Variants in CMPK1 observed in about 807,000 individuals in gnomAD.
The protein encoded by CMPK1 is UMP-CMP kinase.
Under a neutral mutation model 25.7 loss-of-function variants are expected in CMPK1, and 10 were observed. The observed-to-expected ratio is 0.39, with a 90% CI of 0.24 to 0.66. The LOEUF (loss-of-function observed/expected upper bound fraction) is 0.66. CMPK1 is among the 30% of genes least tolerant of loss of function. The pLI, the probability that CMPK1 is intolerant of heterozygous loss-of-function variation, is 0.48. For missense variants in CMPK1, 199 were observed against 280.5 expected, an observed-to-expected ratio of 0.71 and a Z score of 2.08; for synonymous variants, 106 against 101.5, an observed-to-expected ratio of 1.04 and a Z score of -0.27.
rs1359659033 is a variant in CMPK1 at position 47,333,824 on chromosome 1, A to C, written c.-122A>C. The C allele has an allele frequency of 1.9e-6, 1 of 516,034 alleles. No individual in the cohort carries two copies. Among genetic ancestry groups the C allele is most frequent in the African/African-American group, 2.1e-5 (1 of 47,984 alleles). The allele number at this position is 516,034 out of a possible 1,614,324, so 32.0% of individuals were successfully genotyped here. ...CAGGGCCGCGGACGCCCGGGCAGCC[A>C]CGGCGGCGGGGCCGCGGCGGGCGCC... On this transcript the variant is annotated 5_prime_UTR_variant, in exon 1 of 6. Coordinates refer to ENST00000371873, the MANE Select transcript of CMPK1 (RefSeq NM_016308.3).
intron 1 of CMPK1, among the ~76,000 whole-genome samples, chr1:47,352,165 A>G (rs569235466): frequency 3.9e-5 from 6 of 152,084 alleles, no homozygotes; most frequent in African/African-American, 4.8e-5. Flanking sequence ...AAATAAAAAG[A>G]TGTCTTTTAA....
intron 1 of CMPK1, among the ~76,000 whole-genome samples, chr1:47,354,337 G>A (rs2622918): frequency 0.97 from 148,276 of 152,240 alleles, 72,302 homozygotes; most frequent in East Asian, 1. Context: ...TCAATAGATA[G>A]ATAAAGATGT....
chr1:47,372,888 A>G lies in CMPK1; in HGVS notation c.319-67A>G, dbSNP rs1646686117. 2 of 1,311,912 alleles carry G rather than the reference A, an allele frequency of 1.5e-6. 1 individual carries two copies. Among genetic ancestry groups the G allele is most frequent in the South Asian group, 3.0e-5 (2 of 66,784 alleles). 81.3% of individuals were successfully genotyped at this position (1,311,912 alleles called of 1,614,324 possible). ...ATAATAATAAAACACCCATGTATAC[A>G]CTACCATGCTTGAGAAATTTCATTT... On this transcript the variant is annotated intron_variant, in intron 2 of 5. Coordinates refer to ENST00000371873, the MANE Select transcript of CMPK1 (RefSeq NM_016308.3).
intron 2 of CMPK1, among the ~76,000 whole-genome samples, chr1:47,369,412 T>A (rs1392686956): frequency 6.6e-6 from 1 of 152,216 alleles, no homozygotes; most frequent in Non-Finnish European, 1.5e-5. Context: ...AAGGATTCTC[T>A]GCTTTGATTT....
intron 1 of CMPK1, among the ~76,000 whole-genome samples, chr1:47,339,995 A>G (rs1646428165): frequency 6.6e-6 from 1 of 150,926 alleles, no homozygotes; most frequent in Non-Finnish European, 1.5e-5. Flanking sequence ...AGCGTGAGCC[A>G]CCGCATCCGG....
chr1:47,346,603 A>C (rs937429100), intron 1 of CMPK1, among the ~76,000 whole-genome samples: 11 of 151,598 alleles, frequency 7.3e-5, no homozygotes, highest in African/African-American at 2.7e-4. Flanking sequence ...TCCTGGGTTC[A>C]AGCAATTGTC....
intron 1 of CMPK1, among the ~76,000 whole-genome samples, chr1:47,351,151 T>C (rs187020222): frequency 4.0e-4 from 61 of 152,218 alleles, no homozygotes; most frequent in Admixed American, 1.6e-3. Context: ...TGGCACGATC[T>C]CAGCTCACTG....
At chr1:47,337,143 C>T (rs1219762826) in intron 1 of CMPK1, among the ~76,000 whole-genome samples, 2 of 152,076 alleles carry the variant, frequency 1.3e-5, no homozygotes, top group African/African-American at 4.8e-5. Context: ...ATTAGCCGGG[C>T]GTGGTGGCAG....
In CMPK1 at chr1:47,334,016, C is replaced by A; in HGVS notation, c.71C>A (p.Pro24Gln). 6.5e-7 allele frequency: 1 copy of A among 1,549,980 alleles called. No individual in the cohort carries two copies. The change falls in exon 1 of 6, where the codon CCG (proline) becomes CAG (glutamine). Residue 24 changes from proline to glutamine, a missense_variant. This residue lies in a region of CMPK1 where 59 missense variants were observed against 45.1 expected (regional missense o/e 1.31). Transcript: ENST00000371873. ...GLSFLLQTRR[P>Q]ILLCSPRLMK... The stretch of plus-strand genomic sequence containing the variant: ...AGCTTCCTGCTGCAGACCCGCCGGC[C>A]GATTCTCCTCTGCTCTCCACGTCTC...
chr1:47,368,811 A>C (rs193062658), intron 2 of CMPK1, among the ~76,000 whole-genome samples, 196 bp downstream of exon 2: 44 of 152,256 alleles, frequency 2.9e-4, no homozygotes, highest in African/African-American at 5.8e-4. Context: ...AAATTTTTTA[A>C]AAAGCCATGC....
At position 47,375,231 on chromosome 1, in the gene CMPK1, A is replaced by G. The variant is rs1646699989; in HGVS notation, c.583A>G (p.Ile195Val). The G allele has an allele frequency of 6.2e-7, 1 of 1,608,636 alleles. No homozygotes were observed. The highest frequency in any genetic ancestry group is 1.1e-5 in the South Asian group (1 of 89,632). ...CTACCTTCAGTCAACAAAGCCAATT[A>G]TTGACTTATATGAAGAAATGGGGAA... is the stretch of plus-strand genomic sequence containing the variant. ...QTYLQSTKPI[I>V]DLYEEMGKVK... Residue 195 changes from isoleucine (I) to valine (V), a missense_variant, in exon 5 of 6, where the codon ATT becomes GTT. By Grantham distance (29) the Ile-to-Val change is conservative (BLOSUM62 3). Transcript: ENST00000371873.
chr1:47,372,838 C>A, intron 2 of CMPK1, 117 bp from the exon 3 acceptor site: 2 of 612,994 alleles, frequency 3.3e-6, no homozygotes, highest in Non-Finnish European at 5.0e-6. Flanking sequence ...TATGTACCCT[C>A]CACCCTTTAC....
chr1:47,338,596 CTGTT>C lies in CMPK1; in HGVS notation c.171+4481_171+4484del, dbSNP rs201424822. Among the ~76,000 whole-genome samples, 1,249 of 126,724 alleles carry C rather than the reference CTGTT, an allele frequency of 9.9e-3. 35 individuals are homozygous for C. The highest frequency in any genetic ancestry group is 0.036 in the African/African-American group (1,201 of 33,278). The allele number at this position is 126,724 out of a possible 152,430, so 83.1% of individuals were successfully genotyped here. A position where few individuals can be genotyped will look rare whatever the true frequency, so the allele number is the denominator to read the frequency against. On this transcript the variant is annotated intron_variant, in intron 1 of 5. Transcript: ENST00000371873. Reference sequence around the variant, plus strand: ...CTCTCCTTCCCTCCCTCCCTCCTTCCTGTTCTTTCTTTTTCTTCTTTTCTTTTTT... The same window carrying C: ...CTCTCCTTCCCTCCCTCCCTCCTTCCCTTTCTTTTTCTTCTTTTCTTTTTT...
intron 3 of CMPK1, 47 bp from the exon 4 acceptor site, chr1:47,374,862 T>C (rs778138612): frequency 2.1e-6 from 3 of 1,444,326 alleles, no homozygotes; most frequent in South Asian, 1.2e-5. Context: ...GTTAAAAGAA[T>C]GGCAAATTCA....
intron 1 of CMPK1, among the ~76,000 whole-genome samples, chr1:47,351,829 A>G (rs1333385239): frequency 6.6e-6 from 1 of 151,838 alleles, no homozygotes; most frequent in Non-Finnish European, 1.5e-5. Context: ...TCTCCTCAGA[A>G]TAGTGCATTT....
intron 1 of CMPK1, among the ~76,000 whole-genome samples, chr1:47,339,830 C>A (rs1340315308): frequency 6.6e-6 from 1 of 151,306 alleles, no homozygotes; most frequent in Non-Finnish European, 1.5e-5. Flanking sequence ...CCCTCAGCCT[C>A]CTGAGTAGCT....
chr1:47,375,852 G>T (rs1050128376), intron 5 of CMPK1, among the ~76,000 whole-genome samples: 1 of 152,076 alleles, frequency 6.6e-6, no homozygotes, highest in Non-Finnish European at 1.5e-5. Context: ...GTCTCTTAAG[G>T]AACCTAACCT....
At chr1:47,372,926 A>G in intron 2 of CMPK1, 29 bp from the exon 3 acceptor site, 1 of 1,585,210 alleles carries the variant, frequency 6.3e-7, no homozygotes, top group Non-Finnish European at 8.6e-7. Context: ...TTAATGTTGT[A>G]TTGAACCTAA....
chr1:47,360,450 A>ATAGCGC (rs1646593415), intron 1 of CMPK1, among the ~76,000 whole-genome samples: 1 of 152,214 alleles, frequency 6.6e-6, no homozygotes, highest in African/African-American at 2.4e-5. Context: ...CAGGCCTTAC[A>ATAGCGC]TAGATGAGGA....
Sources: gnomAD v4.1 joint callset for allele counts (sites outside exome capture counted in the v4.1 genomes callset) on GRCh38, gnomAD v4.1.1 for gene constraint, gnomAD v4.1.1 regional missense constraint, MANE v1.5 for transcripts, NCBI Gene and HGNC (gene_info 2026-07-23, HGNC 2026-07-21) for gene names.